PCDHA7: variants seen among roughly 807,000 people sequenced by gnomAD.
PCDHA7 encodes protocadherin alpha-7.
Under a neutral mutation model 57.2 loss-of-function variants are expected in PCDHA7, and 37 were observed. The observed-to-expected ratio is 0.65, with a 90% confidence interval of 0.50 to 0.85. The LOEUF is 0.85. Ranked by LOEUF, PCDHA7 falls within the 40% of genes least tolerant of loss-of-function variation. The pLI is 0.00. For missense variants in PCDHA7, 1,188 were observed against 1,241.8 expected (o/e 0.96, Z 0.65); for synonymous variants, 553 against 558.8 (o/e 0.99, Z 0.15).
In PCDHA7 at chr5:141,011,117, C is replaced by A. The variant is rs1301385116; in HGVS notation, c.*1180C>A. The A allele has an allele frequency of 1.3e-5, 2 of 153,590 alleles. No homozygotes were observed. The highest frequency in any genetic ancestry group is 2.4e-5 in the African/African-American group (1 of 41,402). The allele number at this position is 153,590 out of a possible 1,614,324, so 9.5% of individuals were successfully genotyped here. The stretch of plus-strand genomic sequence containing the variant: ...CTCTCTCTCTCTCTTTTCTAAGAAA[C>A]AATTATGTGCACTTTGATACACAAC... On this transcript the variant is annotated 3_prime_UTR_variant, in exon 4 of 4. Coordinates refer to ENST00000525929, the MANE Select transcript of PCDHA7 (RefSeq NM_018910.3).
intron 1 of PCDHA7, chr5:140,841,440 A>C: frequency 6.2e-7 from 1 of 1,612,980 alleles, no homozygotes; most frequent in South Asian, 1.1e-5. Flanking sequence ...GAGGAGGCCA[A>C]ACACGGCACC....
chr5:140,858,097 G>A (rs2045175006), intron 1 of PCDHA7: 1 of 1,597,732 alleles, frequency 6.3e-7, no homozygotes, highest in Non-Finnish European at 8.6e-7. Context: ...GGGCTTCAGT[G>A]GGCGTGGCGC....
intron 3 of PCDHA7, among the ~76,000 whole-genome samples, chr5:140,992,330 C>A (rs1240004004): frequency 6.6e-6 from 1 of 152,070 alleles, no homozygotes. Context: ...TTTCTAAGAG[C>A]AAAGATGGAA....
chr5:140,868,431 G>T (rs1319024879), intron 1 of PCDHA7: 2 of 152,206 alleles, frequency 1.3e-5, no homozygotes, highest in Non-Finnish European at 2.9e-5. Flanking sequence ...GATGAGAATA[G>T]ATCATGTGGA....
chr5:140,973,666 A>G (rs531003588), intron 1 of PCDHA7, among the ~76,000 whole-genome samples: 8 of 152,322 alleles, frequency 5.3e-5, no homozygotes, highest in African/African-American at 1.9e-4. Flanking sequence ...TATTTATTGT[A>G]GCTTGAATGT....
intron 1 of PCDHA7, among the ~76,000 whole-genome samples, chr5:140,915,582 G>A (rs991142864): frequency 2.6e-5 from 4 of 152,056 alleles, no homozygotes; most frequent in South Asian, 4.1e-4. Flanking sequence ...CCAGGCAAAA[G>A]CACTTGTTCT....
Position 140,834,674 on chromosome 5 carries a change from G to T in PCDHA7, c.291G>T (p.Gly97=). Residue 97 remains glycine, a synonymous_variant, in exon 1 of 4, where the codon GGG becomes GGT. Transcript: ENST00000525929. ...NSRIDREELC[G]RSAECSIHLE... ...GGATCGACCGCGAGGAGCTGTGCGG[G>T]CGGAGCGCGGAGTGCAGCATCCACC... 6 of 1,614,248 alleles carry T rather than the reference G, an allele frequency of 3.7e-6. No homozygotes were observed. Among genetic ancestry groups the T allele is most frequent in the Non-Finnish European group, 5.1e-6 (6 of 1,180,046 alleles).
rs199990641 is a variant in PCDHA7, at chr5:140,966,961, G to C, written c.2356-11988G>C. On this transcript the variant is annotated intron_variant, in intron 1 of 3. Coordinates refer to ENST00000525929, the MANE Select transcript of PCDHA7 (RefSeq NM_018910.3). ...TCGTGGGCAACGTGGCTCGCGCGCT[G>C]GGGCTTGAGCTGCGGCGCTTGGGGC... The C allele has an allele frequency of 8.7e-6, 14 of 1,603,190 alleles. No individual in the cohort carries two copies. The East Asian group carries it at 2.7e-4, about 31-fold the overall frequency.
rs570001791 is a variant in PCDHA7, at chr5:140,924,660, C to T, written c.2356-54289C>T. Among the ~76,000 whole-genome samples the T allele has an allele frequency of 2.5e-3, 382 of 152,090 alleles. 1 individual carries two copies. Among genetic ancestry groups the T allele is most frequent in the South Asian group, 8.9e-3 (43 of 4,822 alleles). Reference sequence around the variant, plus strand: ...CTGTAATCCCAGCACTTTGGGAGGCCGAGGCAGGCCAATCACTTGAGGTCA... The same window carrying T: ...CTGTAATCCCAGCACTTTGGGAGGCTGAGGCAGGCCAATCACTTGAGGTCA... On this transcript the variant is annotated intron_variant, in intron 1 of 3. Coordinates refer to ENST00000525929, the MANE Select transcript of PCDHA7 (RefSeq NM_018910.3).
At chr5:140,882,175 G>A in intron 1 of PCDHA7, 1 of 1,515,150 alleles carries the variant, frequency 6.6e-7, no homozygotes. Flanking sequence ...GAATCCTTCC[G>A]CACTAGGAAG....
intron 3 of PCDHA7, among the ~76,000 whole-genome samples, chr5:141,009,289 T>C (rs1474871800): frequency 1.4e-4 from 22 of 152,136 alleles, no homozygotes; most frequent in African/African-American, 5.1e-4. Context: ...ATCCCATTTC[T>C]ATAAAATTTT....
At chr5:140,988,831 A>G (rs1005821454) in intron 3 of PCDHA7, 6 of 152,208 alleles carry the variant, frequency 3.9e-5, no homozygotes, top group Non-Finnish European at 7.3e-5. Flanking sequence ...AACAGAGATC[A>G]CGTGTCTCCT....
Position 140,884,512 on chromosome 5 carries a change from G to A in PCDHA7, c.2355+47774G>A, listed in dbSNP as rs782026771. 4.3e-5 allele frequency: 70 copies of A among 1,614,202 alleles called. No individual in the cohort carries two copies. The Middle Eastern group carries it at 4.9e-4, about 11-fold the overall frequency. ...TGTGCTCCAGCGCGGCAGGGAGTTG[G>A]TCGTACTCGCAGCAGAGGCGGCCGA... is the stretch of plus-strand genomic sequence containing the variant. On this transcript the variant is annotated intron_variant, in intron 1 of 3. Transcript: ENST00000525929.
In PCDHA7 at chr5:140,835,559, C is replaced by T; in HGVS notation, c.1176C>T (p.Arg392=). ...AGGTTACCTGCTCCCTGACGCCCCGCGTTCCCTTCAAGTTGGTGTCCACCT... is the reference window on the plus strand; with the variant it reads ...AGGTTACCTGCTCCCTGACGCCCCGTGTTCCCTTCAAGTTGGTGTCCACCT... ...NGQVTCSLTP[R]VPFKLVSTFK... The change falls in exon 1 of 4, where the codon CGC becomes CGT. Residue 392 remains arginine, a synonymous_variant. Transcript: ENST00000525929. The T allele has an allele frequency of 6.2e-7, 1 of 1,613,922 alleles. No individual in the cohort carries two copies. The highest frequency in any genetic ancestry group is 8.5e-7 in the Non-Finnish European group (1 of 1,179,864).
At chr5:140,852,880 A>C in intron 1 of PCDHA7, 1 of 943,656 alleles carries the variant, frequency 1.1e-6, no homozygotes, top group Non-Finnish European at 1.3e-6. Context: ...ATAATCATAA[A>C]ACGTATTTTT....
At chr5:140,860,323 G>A (rs782283348) in intron 1 of PCDHA7, 1 of 152,078 alleles carries the variant, frequency 6.6e-6, no homozygotes, top group African/African-American at 2.4e-5. Context: ...TGAGGCTGCA[G>A]TGACCCATGA....
At chr5:140,952,529 G>A (rs1404753711) in intron 1 of PCDHA7, among the ~76,000 whole-genome samples, 1 of 152,084 alleles carries the variant, frequency 6.6e-6, no homozygotes, top group East Asian at 1.9e-4. Context: ...GACCTCCTCA[G>A]ACTGGACTTC....
chr5:140,962,569 T>A (rs782016565), intron 1 of PCDHA7, among the ~76,000 whole-genome samples: 17 of 152,194 alleles, frequency 1.1e-4, no homozygotes, highest in African/African-American at 1.7e-4. Context: ...TAAAAGCCAA[T>A]TGTTAATGCC....
At chr5:140,907,975 G>A (rs1242073777) in intron 1 of PCDHA7, among the ~76,000 whole-genome samples, 1 of 152,154 alleles carries the variant, frequency 6.6e-6, no homozygotes, top group Non-Finnish European at 1.5e-5. Flanking sequence ...TTCCAATCAT[G>A]CTTCTTCCAA....
Sources: allele counts gnomAD v4.1 joint callset (sites outside exome capture counted in the v4.1 genomes callset), GRCh38; gene constraint gnomAD v4.1.1; transcripts MANE v1.5; gene names NCBI Gene and HGNC (gene_info 2026-07-23, HGNC 2026-07-21).